AK8: variants seen among roughly 807,000 people sequenced by gnomAD.
AK8 encodes the protein ATP-AMP transphosphorylase 8.
A neutral mutation model predicts 54.6 loss-of-function variants in AK8; 44 were observed. That is an observed-to-expected ratio of 0.81 (90% CI 0.63 to 1.04). The LOEUF (loss-of-function observed/expected upper bound fraction) is 1.04, where lower values mean the gene tolerates loss of function less well. Ranked by LOEUF, AK8 falls within the 50% of genes least tolerant of loss-of-function variation. AK8 has a pLI of 0.00. For synonymous variants in AK8, 239 were observed against 245.6 expected (o/e 0.97, Z 0.25); for missense variants, 555 against 613.6 (o/e 0.90, Z 1.01).
chr9:132,762,119 C>T (rs1184590153), intron 11 of AK8, among the ~76,000 whole-genome samples: 4 of 152,206 alleles, frequency 2.6e-5, no homozygotes, highest in African/African-American at 9.7e-5. Flanking sequence ...ATCTGCCCAC[C>T]TTGGCCTCCC....
In AK8 at chr9:132,823,922, T is replaced by C. The variant is rs75311788; in HGVS notation, c.758-586A>G. Among the ~76,000 whole-genome samples the C allele has an allele frequency of 4.8e-3, 738 of 152,336 alleles. 7 individuals are homozygous for C. The highest frequency in any genetic ancestry group is 0.017 in the African/African-American group (707 of 41,578). On this transcript the variant is annotated intron_variant, in intron 8 of 12. Coordinates refer to ENST00000298545, the MANE Select transcript of AK8 (RefSeq NM_152572.3). ...AGCTGCACTCTGGTGACACCAACTT[T>C]GTTGCGACTCTCCAAAGAGGTAGTG...
At chr9:132,798,567 C>T (rs1477129850) in intron 10 of AK8, among the ~76,000 whole-genome samples, 8 of 152,184 alleles carry the variant, frequency 5.3e-5, no homozygotes, top group Non-Finnish European at 8.8e-5. Flanking sequence ...AACATCTCAC[C>T]CTTCATACAA....
At chr9:132,851,208 C>T (rs1171688468) in intron 5 of AK8, among the ~76,000 whole-genome samples, 1 of 152,202 alleles carries the variant, frequency 6.6e-6, no homozygotes, top group African/African-American at 2.4e-5. Flanking sequence ...TCTGTTTTCT[C>T]ACACTCCTGC....
At chr9:132,834,294 A>G (rs747526041) in intron 5 of AK8, among the ~76,000 whole-genome samples, 11 of 152,202 alleles carry the variant, frequency 7.2e-5, no homozygotes, top group Non-Finnish European at 1.0e-4. Context: ...GGTGAGAACA[A>G]TGAGACTACC....
rs753799831 is a variant in AK8 at position 132,826,866 on chromosome 9, C to T, written c.745G>A (p.Val249Ile). The T allele has an allele frequency of 4.8e-5, 77 of 1,614,106 alleles. No homozygotes were observed. Among genetic ancestry groups the T allele is most frequent in the Non-Finnish European group, 5.8e-5 (69 of 1,180,056 alleles). The change falls in exon 8 of 13, where the codon GTC becomes ATC. Residue 249 changes from valine (V) to isoleucine (I), a missense_variant. Physicochemically the swap from Val to Ile is conservative, Grantham distance 29. Coordinates refer to ENST00000298545, the MANE Select transcript of AK8 (RefSeq NM_152572.3). This position sits in a 1 kb window ranked among gnomAD's most constrained non-coding sequence, Gnocchi z 4.5. ...TGCTTGTGTTTACCCTGGTAGAAGA[C>T]GTCCACACATGGCTGGTCAGCACTG... ...VISADQPCVDVFYQALTYVQS... is the reference protein window; with the variant it reads ...VISADQPCVDIFYQALTYVQS...
intron 10 of AK8, among the ~76,000 whole-genome samples, chr9:132,805,588 G>A (rs1840681966): frequency 6.6e-6 from 1 of 152,008 alleles, no homozygotes; most frequent in South Asian, 2.1e-4. Context: ...TTTTCATACC[G>A]GAGAAAGACA....
rs201875961 is a variant in AK8 at position 132,735,554 on chromosome 9, TA to T, written c.1122-8021del. Among the ~76,000 whole-genome samples, 210 of 148,990 alleles carry T rather than the reference TA, an allele frequency of 1.4e-3. 2 individuals carry two copies. Among genetic ancestry groups the T allele is most frequent in the African/African-American group, 3.1e-3 (127 of 40,592 alleles). ...CTCAGTAGAATGACTATTACACATT[TA>T]AAAAAAAAACCCATAAAGTAAGTGT... On this transcript the variant is annotated intron_variant, in intron 11 of 12. Coordinates refer to ENST00000298545, the MANE Select transcript of AK8 (RefSeq NM_152572.3).
chr9:132,829,415 C>T (rs557215618), intron 5 of AK8, among the ~76,000 whole-genome samples: 2 of 152,172 alleles, frequency 1.3e-5, no homozygotes, highest in African/African-American at 4.8e-5. Flanking sequence ...ATTTCAACTG[C>T]GGGCAGTGTT....
At chr9:132,793,250 C>T (rs916373465) in intron 10 of AK8, among the ~76,000 whole-genome samples, 12 of 152,172 alleles carry the variant, frequency 7.9e-5, no homozygotes, top group South Asian at 2.1e-4. Context: ...CTCCCTTATA[C>T]GGGCACTAAT....
chr9:132,836,056 G>A (rs1038057025), intron 5 of AK8, among the ~76,000 whole-genome samples: 3 of 152,174 alleles, frequency 2.0e-5, no homozygotes, highest in African/African-American at 7.2e-5. Flanking sequence ...CTGGAAGGTG[G>A]AGGTTGCGGT....
At chr9:132,846,511 GAATGAAT>G (rs1842756372) in intron 5 of AK8, among the ~76,000 whole-genome samples, 1 of 8,774 alleles carries the variant, frequency 1.1e-4, no homozygotes, top group Non-Finnish European at 4.1e-4. Flanking sequence ...ATAGATGAAT[GAATGAAT>G]GAATGAATGA....
At chr9:132,814,597 G>A (rs763930495) in intron 10 of AK8, 41 bp downstream of exon 10, 38 of 1,576,256 alleles carry the variant, frequency 2.4e-5, no homozygotes, top group Non-Finnish European at 3.0e-5. Flanking sequence ...GTTCTCTCTG[G>A]AGCCTGTAAG....
At chr9:132,776,613 G>T (rs1382437221) in intron 11 of AK8, among the ~76,000 whole-genome samples, 1 of 152,204 alleles carries the variant, frequency 6.6e-6, no homozygotes, top group East Asian at 1.9e-4. Context: ...CTGCGGGGCC[G>T]CCACGCTGCA....
intron 11 of AK8, among the ~76,000 whole-genome samples, chr9:132,783,491 A>G (rs977406043): frequency 6.6e-6 from 1 of 152,174 alleles, no homozygotes; most frequent in Admixed American, 6.5e-5. Flanking sequence ...AGCCTATTCA[A>G]AGGTAAAGGA....
chr9:132,804,881 C>G (rs1365243343), intron 10 of AK8, among the ~76,000 whole-genome samples: 1 of 152,150 alleles, frequency 6.6e-6, no homozygotes, highest in Non-Finnish European at 1.5e-5. Flanking sequence ...CTTCCTCACC[C>G]CTCATGTCCT....
At chr9:132,801,303 G>A (rs1840446938) in intron 10 of AK8, among the ~76,000 whole-genome samples, 1 of 152,106 alleles carries the variant, frequency 6.6e-6, no homozygotes, top group Non-Finnish European at 1.5e-5. Context: ...ATAAACAACT[G>A]GTACATCACT....
chr9:132,750,054 T>A (rs371611921), intron 11 of AK8, among the ~76,000 whole-genome samples: 2 of 150,404 alleles, frequency 1.3e-5, no homozygotes, highest in South Asian at 4.3e-4. Context: ...TGTGTACGCA[T>A]CTTGGGGAGG....
rs34133877 is a variant in AK8 at position 132,850,897 on chromosome 9, TA to T, written c.402+3959del. On this transcript the variant is annotated intron_variant, in intron 5 of 12. Transcript: ENST00000298545. The stretch of plus-strand genomic sequence containing the variant: ...AAGAGAGAGAATCTGTAGGTGCATT[TA>T]AAAAAAAAAAAAAAAAAGACACAAG... Among the ~76,000 whole-genome samples the T allele has an allele frequency of 5.2e-3, 706 of 135,258 alleles. 1 individual carries two copies. The highest frequency in any genetic ancestry group is 6.2e-3 in the South Asian group (27 of 4,354). 88.7% of individuals were successfully genotyped at this position (135,258 alleles called of 152,430 possible). A position where few individuals can be genotyped will look rare whatever the true frequency, so the allele number is the denominator to read the frequency against.
At chr9:132,878,562 A>G (rs113359460), upstream of AK8, 441 of 1,148,578 alleles carry the variant, frequency 3.8e-4, 2 homozygotes, top group African/African-American at 4.1e-3. The surrounding 1 kb of genome is among the most constrained non-coding windows in gnomAD (Gnocchi z 4.7). Flanking sequence ...AGAAGGGGCA[A>G]GTCGGCCCTC....
Sources: allele counts gnomAD v4.1 joint callset (sites outside exome capture counted in the v4.1 genomes callset), GRCh38; gene constraint gnomAD v4.1.1; non-coding constraint Gnocchi (gnomAD v3.1); transcripts MANE v1.5; gene names NCBI Gene and HGNC (gene_info 2026-07-23, HGNC 2026-07-21).